Variants in ASMTL observed in about 807,000 individuals in gnomAD.
ASMTL encodes acetylserotonin O-methyltransferase like.
A neutral mutation model predicts 60.3 loss-of-function variants in ASMTL; 57 were observed. That is an observed-to-expected ratio of 0.95 (90% CI 0.76 to 1.18). ASMTL has a LOEUF of 1.18. Ranked by LOEUF, ASMTL falls within the 50% of genes most tolerant of loss-of-function variation. ASMTL has a pLI of 0.00. For synonymous variants in ASMTL, 419 were observed against 373.0 expected (o/e 1.12, Z -1.42); for missense variants, 981 against 852.6 (o/e 1.15, Z -1.88).
chrX:1,416,737 ACAG>A, intron 11 of ASMTL, among the ~76,000 whole-genome samples: 1 of 150,158 alleles, frequency 6.7e-6, no homozygotes, highest in South Asian at 2.1e-4. Flanking sequence ...CATACCACAC[ACAG>A]TCAGTCATGC....
At chrX:1,405,610 G>A (rs1340480247) in intron 12 of ASMTL, among the ~76,000 whole-genome samples, 1 of 151,630 alleles carries the variant, frequency 6.6e-6, no homozygotes, top group Non-Finnish European at 1.5e-5. Flanking sequence ...TAGATGATGG[G>A]TAGGTAGATA....
At chrX:1,433,742 C>A (rs2090881107) in intron 5 of ASMTL, among the ~76,000 whole-genome samples, 1 of 151,836 alleles carries the variant, frequency 6.6e-6, no homozygotes, top group African/African-American at 2.4e-5. Flanking sequence ...TGGGTGAACA[C>A]ATCAGGGTGT....
chrX:1,453,450 C>A (rs1477479055), upstream of ASMTL, among the ~76,000 whole-genome samples: 28 of 152,138 alleles, frequency 1.8e-4, no homozygotes, highest in African/African-American at 6.7e-4. Context: ...CCCCTCCCCA[C>A]CCCGCCTGCG....
At chrX:1,412,682 CAA>C in intron 12 of ASMTL, 48 bp downstream of exon 12, 1 of 1,612,654 alleles carries the variant, frequency 6.2e-7, no homozygotes. Context: ...AACTTGAACC[CAA>C]AATACTACGT....
At chrX:1,419,153 G>C (rs375119091) in intron 9 of ASMTL, 39 bp from the exon 10 acceptor site, 1 of 1,604,420 alleles carries the variant, frequency 6.2e-7, no homozygotes, top group African/African-American at 1.3e-5. Flanking sequence ...CAGAGAACAC[G>C]GGGCGAGGGC....
rs766689109 is a variant in ASMTL, at chrX:1,436,024, C to T, written c.274-266G>A. On this transcript the variant is annotated intron_variant, in intron 3 of 12. Coordinates refer to ENST00000381317, the MANE Select transcript of ASMTL (RefSeq NM_004192.4). ...GTGCGCCTCCCCAGATCCTGGTAAC[C>T]GCCCATCCTCTTTCTTTCACCGTGC... 1.2e-4 allele frequency among the ~76,000 whole-genome samples: 18 copies of T among 152,256 alleles called. No individual in the cohort carries two copies. In the South Asian group the frequency reaches 2.1e-3, roughly 18 times the overall value.
chrX:1,427,881 C>G lies in ASMTL; in HGVS notation c.750G>C (p.Gln250His), dbSNP rs1164332414. The change falls in exon 7 of 13, where the codon CAG becomes CAC. Residue 250 changes from glutamine (Q) to histidine (H), a missense_variant. Coordinates refer to ENST00000381317, the MANE Select transcript of ASMTL (RefSeq NM_004192.4). ...DVEGGGSEPT[Q>H]RDAGSRDEKA... Reference sequence around the variant, plus strand: ...TCTCATCGCGGCTGCCCGCGTCCCTCTGAGTGGGCTCCGAGCCGCCCCCCT... The same window carrying G: ...TCTCATCGCGGCTGCCCGCGTCCCTGTGAGTGGGCTCCGAGCCGCCCCCCT... 5 of 1,613,180 alleles carry G rather than the reference C, an allele frequency of 3.1e-6. No individual in the cohort carries two copies. Among genetic ancestry groups the G allele is most frequent in the Admixed American group, 1.7e-5 (1 of 59,988 alleles).
rs185045478 is a variant in ASMTL at position 1,441,226 on chromosome X, A to G, written c.225+960T>C. 1.8e-3 allele frequency among the ~76,000 whole-genome samples: 277 copies of G among 152,306 alleles called. 2 individuals are homozygous for G. The highest frequency in any genetic ancestry group is 6.1e-3 in the African/African-American group (255 of 41,570). On this transcript the variant is annotated intron_variant, in intron 2 of 12. Coordinates refer to ENST00000381317, the MANE Select transcript of ASMTL (RefSeq NM_004192.4). The stretch of plus-strand genomic sequence containing the variant: ...ACATAGTAATAGATAAGCTACATTA[A>G]TTGTATATCATCAACGAGACTATTA...
chrX:1,453,238 C>T (rs1422472327), upstream of ASMTL, among the ~76,000 whole-genome samples: 3 of 150,652 alleles, frequency 2.0e-5, no homozygotes, highest in African/African-American at 2.4e-5. Flanking sequence ...TTGACCGCTC[C>T]GCCAGGCCAC....
At chrX:1,432,567 C>T (rs781692332) in intron 5 of ASMTL, among the ~76,000 whole-genome samples, 190 bp from the exon 6 acceptor site, 9 of 152,320 alleles carry the variant, frequency 5.9e-5, no homozygotes, top group South Asian at 2.1e-4. Context: ...CGGTGGCTCA[C>T]GCCTGTCATC....
At chrX:1,430,947 G>A (rs2090756700) in intron 6 of ASMTL, among the ~76,000 whole-genome samples, 2 of 139,124 alleles carry the variant, frequency 1.4e-5, no homozygotes, top group African/African-American at 5.3e-5. Context: ...TAACTAATAT[G>A]TATTACATAT....
At chrX:1,417,812 C>G (rs1231062404) in intron 11 of ASMTL, 161 bp downstream of exon 11, 9 of 354,748 alleles carry the variant, frequency 2.5e-5, no homozygotes, top group Non-Finnish European at 3.5e-5. Context: ...CACAGAGAGA[C>G]ACACACACAC....
At chrX:1,414,019 A>G (rs1430242092) in intron 11 of ASMTL, 1 of 151,896 alleles carries the variant, frequency 6.6e-6, no homozygotes, top group African/African-American at 2.4e-5. Context: ...TTCTTTGCAG[A>G]TGTAATTAAG....
rs768788023 is a variant in ASMTL, at chrX:1,407,466, AATAGATGG to A, written c.1646-3985_1646-3978del. Among the ~76,000 whole-genome samples the A allele has an allele frequency of 4.3e-3, 607 of 140,554 alleles. 9 individuals carry two copies. Among genetic ancestry groups the A allele is most frequent in the African/African-American group, 0.014 (538 of 37,310 alleles). The allele number at this position is 140,554 out of a possible 152,430, so 92.2% of individuals were successfully genotyped here. ...ATGGTAGATGATAGGTAGATAGATGAATAGATGGATAGATGGATGCATGGATGAGATGG... is the reference window on the plus strand; with the variant it reads ...ATGGTAGATGATAGGTAGATAGATGAATAGATGGATGCATGGATGAGATGG... On this transcript the variant is annotated intron_variant, in intron 12 of 12. Coordinates refer to ENST00000381317, the MANE Select transcript of ASMTL (RefSeq NM_004192.4).
At chrX:1,426,565 G>A (rs2090616861) in intron 7 of ASMTL, among the ~76,000 whole-genome samples, 1 of 152,150 alleles carries the variant, frequency 6.6e-6, no homozygotes, top group Admixed American at 6.5e-5. Context: ...GAAAGATGGG[G>A]CCTCAGGCCG....
chrX:1,419,825 C>A (rs757988354), intron 9 of ASMTL, among the ~76,000 whole-genome samples: 1 of 152,362 alleles, frequency 6.6e-6, no homozygotes, highest in Non-Finnish European at 1.5e-5. Context: ...GCTCAGGGAT[C>A]TGTCCTCTGC....
At chrX:1,427,038 G>A (rs1182877438) in intron 7 of ASMTL, among the ~76,000 whole-genome samples, 10 of 152,156 alleles carry the variant, frequency 6.6e-5, no homozygotes, top group African/African-American at 2.4e-4. Context: ...CTTTGCAGAC[G>A]TAAGTAAGCT....
chrX:1,403,284 G>C lies in ASMTL; in HGVS notation c.1851C>G (p.Thr617=). The C allele has an allele frequency of 1.2e-6, 2 of 1,612,712 alleles. No individual in the cohort carries two copies. Among genetic ancestry groups the C allele is most frequent in the Non-Finnish European group, 8.5e-7 (1 of 1,179,704 alleles). ...TGCCTGGGCTTCAGGGGGCCACTTT[G>C]GTGGCCAAGATGGCATCCAGGACAC... ...LGGVLDAILA[T]KVAP Residue 617 remains threonine, a synonymous_variant, in exon 13 of 13, where the codon ACC becomes ACG. Coordinates refer to ENST00000381317, the MANE Select transcript of ASMTL (RefSeq NM_004192.4).
intron 1 of ASMTL, among the ~76,000 whole-genome samples, chrX:1,446,200 C>T (rs1161900607): frequency 1.3e-5 from 2 of 152,270 alleles, no homozygotes; most frequent in East Asian, 1.9e-4. Flanking sequence ...CTCTCTGCCT[C>T]GGCGGCCAGG....
Sources: gnomAD v4.1 joint callset for allele counts (sites outside exome capture counted in the v4.1 genomes callset) on GRCh38, gnomAD v4.1.1 for gene constraint, MANE v1.5 for transcripts, NCBI Gene and HGNC (gene_info 2026-07-23, HGNC 2026-07-21) for gene names.